The following STXBP5L variants were observed in gnomAD, a reference collection of about 807,000 sequenced individuals.
The protein encoded by STXBP5L is syntaxin binding protein 5L.
STXBP5L carries 65 observed loss-of-function variants against 144.5 expected under a neutral mutation model. The observed-to-expected ratio is 0.45, with a 90% CI of 0.37 to 0.55. STXBP5L has a LOEUF of 0.55. Ranked by LOEUF, STXBP5L falls within the 20% of genes least tolerant of loss-of-function variation. The pLI is 0.00. For missense variants in STXBP5L, 1,298 were observed against 1,405.5 expected (o/e 0.92, Z 1.22); for synonymous variants, 505 against 469.6 (o/e 1.08, Z -0.97).
intron 20 of STXBP5L, among the ~76,000 whole-genome samples, chr3:121,368,974 C>A (rs1198158441): frequency 2.6e-5 from 4 of 152,142 alleles, no homozygotes; most frequent in African/African-American, 9.7e-5. Context: ...CTGCCCAGTT[C>A]TTTGTTTGCA....
chr3:121,213,998 G>A (rs1284241693), intron 10 of STXBP5L, among the ~76,000 whole-genome samples: 4 of 152,078 alleles, frequency 2.6e-5, no homozygotes, highest in Non-Finnish European at 5.9e-5. Context: ...TTGCATAGAG[G>A]TGCTTATAGT....
At chr3:121,190,908 C>T (rs528313188) in intron 9 of STXBP5L, among the ~76,000 whole-genome samples, 15 of 151,588 alleles carry the variant, frequency 9.9e-5, no homozygotes, top group East Asian at 3.9e-4. Context: ...GACGGGGTCA[C>T]GGCCGGGCAG....
chr3:120,976,928 G>C (rs969024168), intron 3 of STXBP5L, among the ~76,000 whole-genome samples: 6 of 151,954 alleles, frequency 3.9e-5, no homozygotes, highest in African/African-American at 9.7e-5. Flanking sequence ...TATAATTTCT[G>C]TTCTTTTACA....
At chr3:121,190,844 C>A (rs576273381) in intron 9 of STXBP5L, among the ~76,000 whole-genome samples, 108 of 151,422 alleles carry the variant, frequency 7.1e-4, no homozygotes, top group Non-Finnish European at 1.3e-3. Flanking sequence ...GTCAGAGATG[C>A]TCCTCACCTC....
At chr3:121,163,947 A>G (rs556560966) in intron 9 of STXBP5L, among the ~76,000 whole-genome samples, 1 of 152,130 alleles carries the variant, frequency 6.6e-6, no homozygotes, top group African/African-American at 2.4e-5. Context: ...AAACAGGTTT[A>G]TTGGGGTATA....
intron 10 of STXBP5L, among the ~76,000 whole-genome samples, chr3:121,213,643 T>C (rs989113742): frequency 6.7e-6 from 1 of 149,762 alleles, no homozygotes; most frequent in Non-Finnish European, 1.5e-5. Flanking sequence ...TTTGCATTGA[T>C]GTTCATCAGG....
chr3:121,175,189 C>T (rs2046884745), intron 9 of STXBP5L, among the ~76,000 whole-genome samples: 1 of 152,072 alleles, frequency 6.6e-6, no homozygotes, highest in Non-Finnish European at 1.5e-5. Flanking sequence ...GACAGATTCT[C>T]TCTGGGGAAC....
At chr3:121,252,747 C>A (rs1202578577) in intron 15 of STXBP5L, among the ~76,000 whole-genome samples, 1 of 152,052 alleles carries the variant, frequency 6.6e-6, no homozygotes, top group Non-Finnish European at 1.5e-5. Flanking sequence ...TAAAACAATA[C>A]CCATTTATCA....
chr3:121,330,891 T>A (rs2108557834), intron 20 of STXBP5L, among the ~76,000 whole-genome samples: 1 of 152,282 alleles, frequency 6.6e-6, no homozygotes, highest in South Asian at 2.1e-4. Context: ...AACCAAGGAA[T>A]CTCACAGAAT....
At chr3:121,054,933 A>T (rs990309500) in intron 5 of STXBP5L, among the ~76,000 whole-genome samples, 19 of 152,058 alleles carry the variant, frequency 1.2e-4, no homozygotes, top group African/African-American at 4.6e-4. Context: ...TCACAATTGG[A>T]ATGTTGAAGG....
chr3:121,401,062 A>G (rs571445331), intron 22 of STXBP5L, among the ~76,000 whole-genome samples: 5 of 152,270 alleles, frequency 3.3e-5, no homozygotes, highest in African/African-American at 1.2e-4. Context: ...ATGAAATCCA[A>G]GAGCAGGCAG....
At chr3:121,022,654 A>G (rs1188859583) in intron 3 of STXBP5L, among the ~76,000 whole-genome samples, 1 of 152,164 alleles carries the variant, frequency 6.6e-6, no homozygotes, top group Non-Finnish European at 1.5e-5. Context: ...ATTAAAAACC[A>G]AATTCACATG....
At chr3:120,940,304 A>C (rs1181105360) in intron 2 of STXBP5L, among the ~76,000 whole-genome samples, 1 of 151,928 alleles carries the variant, frequency 6.6e-6, no homozygotes, top group African/African-American at 2.4e-5. Flanking sequence ...AGTTTCAGAC[A>C]AGCAGGAGAA....
At chr3:121,058,662 GCC>G (rs1163259850) in intron 5 of STXBP5L, among the ~76,000 whole-genome samples, 1 of 152,120 alleles carries the variant, frequency 6.6e-6, no homozygotes, top group Non-Finnish European at 1.5e-5. Flanking sequence ...TTTAATCATA[GCC>G]ATTCTAACTG....
chr3:121,412,297 C>T lies in STXBP5L; in HGVS notation c.2949-861C>T, dbSNP rs148875001. Reference sequence around the variant, plus strand: ...ACACTTTCTGGGCTAACAAGGTCCTCACACAGGGCTGAGAAAGAAAGTGTT... The same window carrying T: ...ACACTTTCTGGGCTAACAAGGTCCTTACACAGGGCTGAGAAAGAAAGTGTT... On this transcript the variant is annotated intron_variant, in intron 23 of 26. Transcript: ENST00000471454. Among the ~76,000 whole-genome samples, 535 of 152,298 alleles carry T rather than the reference C, an allele frequency of 3.5e-3. 4 individuals are homozygous for T. The highest frequency in any genetic ancestry group is 0.012 in the African/African-American group (504 of 41,582).
chr3:120,960,849 T>C (rs1318441899), intron 3 of STXBP5L, among the ~76,000 whole-genome samples: 1 of 149,130 alleles, frequency 6.7e-6, no homozygotes, highest in African/African-American at 2.5e-5. Context: ...GCATGGCACA[T>C]GTATACATAT....
intron 3 of STXBP5L, among the ~76,000 whole-genome samples, chr3:120,997,168 C>G (rs1943418698): frequency 6.6e-6 from 1 of 152,166 alleles, no homozygotes; most frequent in South Asian, 2.1e-4. Context: ...ATATGTATCA[C>G]ACTTCCTTTA....
chr3:121,077,463 G>A (rs962768441), intron 5 of STXBP5L, among the ~76,000 whole-genome samples: 1 of 152,184 alleles, frequency 6.6e-6, no homozygotes, highest in Non-Finnish European at 1.5e-5. Context: ...GAGTGAAGCT[G>A]CAGACCTTCA....
At chr3:121,245,335 G>A (rs539503046) in intron 14 of STXBP5L, among the ~76,000 whole-genome samples, 6 of 146,972 alleles carry the variant, frequency 4.1e-5, no homozygotes, top group Admixed American at 4.1e-4. Flanking sequence ...AAAAGGAATA[G>A]AAGTATGTCA....
Sources: gnomAD v4.1 joint callset for allele counts (sites outside exome capture counted in the v4.1 genomes callset) on GRCh38, gnomAD v4.1.1 for gene constraint, MANE v1.5 for transcripts, NCBI Gene and HGNC (gene_info 2026-07-23, HGNC 2026-07-21) for gene names.